PSD3: variants seen among roughly 807,000 people sequenced by gnomAD.
The protein encoded by PSD3 is PH and SEC7 domain-containing protein 3.
Under a neutral mutation model 105.5 loss-of-function variants are expected in PSD3, and 49 were observed. That is an observed-to-expected ratio of 0.46 (90% CI 0.37 to 0.59). The LOEUF (loss-of-function observed/expected upper bound fraction) is 0.59, where lower values mean the gene tolerates loss of function less well. Among genes scored for constraint, PSD3 ranks in the 20% least tolerant of loss-of-function variants. The probability of loss-of-function intolerance (pLI) is 0.00; values close to 1 mark genes in which losing one functional copy is unlikely to be tolerated. For missense variants in PSD3, 1,561 were observed against 1,263.8 expected (o/e 1.24, Z -3.57); for synonymous variants, 557 against 457.8 (o/e 1.22, Z -2.77).
chr8:18,626,000 T>C (rs939939121), intron 11 of PSD3, among the ~76,000 whole-genome samples: 1 of 152,022 alleles, frequency 6.6e-6, no homozygotes, highest in Non-Finnish European at 1.5e-5. Context: ...CTGAATTTTG[T>C]TTTTTATTGT....
chr8:18,568,250 A>G (rs1801915737), intron 14 of PSD3, among the ~76,000 whole-genome samples: 1 of 152,114 alleles, frequency 6.6e-6, no homozygotes, highest in Non-Finnish European at 1.5e-5. Context: ...GCCACTAAAT[A>G]TCACATTTTT....
intron 4 of PSD3, among the ~76,000 whole-genome samples, chr8:18,851,799 C>T (rs1041715691): frequency 6.6e-6 from 1 of 152,262 alleles, no homozygotes; most frequent in African/African-American, 2.4e-5. Context: ...AAGAGCTACA[C>T]AGATTCTGCC....
intron 10 of PSD3, among the ~76,000 whole-genome samples, chr8:18,634,398 A>G (rs1563403984): frequency 6.6e-6 from 1 of 152,176 alleles, no homozygotes; most frequent in Non-Finnish European, 1.5e-5. Flanking sequence ...CCCTATGCCC[A>G]GCTTCTCCTA....
intron 15 of PSD3, among the ~76,000 whole-genome samples, chr8:18,538,693 C>A (rs961196466): frequency 6.6e-6 from 1 of 152,174 alleles, no homozygotes; most frequent in Non-Finnish European, 1.5e-5. Flanking sequence ...ATGATAGGGA[C>A]AGTTTTCCAG....
intron 14 of PSD3, among the ~76,000 whole-genome samples, chr8:18,556,966 T>C (rs959243356): frequency 6.6e-6 from 1 of 152,210 alleles, no homozygotes; most frequent in African/African-American, 2.4e-5. Flanking sequence ...TCAATTAAAA[T>C]GTATCTACCT....
chr8:18,592,178 A>G (rs1803661355), intron 12 of PSD3, among the ~76,000 whole-genome samples: 3 of 152,222 alleles, frequency 2.0e-5, no homozygotes, highest in Non-Finnish European at 2.9e-5. Flanking sequence ...GAATATCAAC[A>G]AAGAGAAAAT....
At chr8:18,651,962 T>A (rs958800946) in intron 10 of PSD3, among the ~76,000 whole-genome samples, 2 of 152,114 alleles carry the variant, frequency 1.3e-5, no homozygotes, top group Non-Finnish European at 2.9e-5. Context: ...AAGGCCTTGT[T>A]GAGGAGGCAA....
rs535216490 is a variant in PSD3, at chr8:19,059,377, G to A, written c.324+24829C>T. Among the ~76,000 whole-genome samples the A allele has an allele frequency of 3.3e-5, 5 of 152,012 alleles. No individual in the cohort carries two copies. The South Asian group carries it at 1.0e-3, about 32-fold the overall frequency. ...CTTCTGCGGATGATGGAACTCAAAG[G>A]AAAAAAAGGAGAGCTCATGAGAAGC... On this transcript the variant is annotated intron_variant, in intron 1 of 1. Transcript: ENST00000521475.
chr8:18,775,821 G>A (rs935064954), intron 8 of PSD3, among the ~76,000 whole-genome samples: 3 of 152,120 alleles, frequency 2.0e-5, no homozygotes, highest in Admixed American at 6.6e-5. Context: ...GGGCAGAAGG[G>A]TTTTAGCTTG....
chr8:18,693,741 C>A (rs1801106250), intron 9 of PSD3, among the ~76,000 whole-genome samples: 1 of 152,220 alleles, frequency 6.6e-6, no homozygotes, highest in South Asian at 2.1e-4. Flanking sequence ...CACTCAGCCT[C>A]CTTGGTTCAA....
rs570710969 is a variant in PSD3, at chr8:18,657,471, C to T, written c.2173-1786G>A. 2.0e-5 allele frequency among the ~76,000 whole-genome samples: 3 copies of T among 152,212 alleles called. No homozygotes were observed. The East Asian group carries it at 5.8e-4, about 29-fold the overall frequency. ...AAACCAGGTCACATTTTATATTTTT[C>T]AGGACATGATAGGTATTCTCAAACA... is the stretch of plus-strand genomic sequence containing the variant. On this transcript the variant is annotated intron_variant, in intron 9 of 15. Coordinates refer to ENST00000327040, the MANE Select transcript of PSD3 (RefSeq NM_015310.4).
chr8:18,744,774 C>T (rs1415962129), intron 9 of PSD3, among the ~76,000 whole-genome samples: 1 of 152,186 alleles, frequency 6.6e-6, no homozygotes, highest in Non-Finnish European at 1.5e-5. Context: ...ATTCAAATTT[C>T]ACCAGTTTCC....
At chr8:18,934,736 A>G (rs1021612993) in intron 2 of PSD3, among the ~76,000 whole-genome samples, 4 of 152,214 alleles carry the variant, frequency 2.6e-5, no homozygotes, top group Non-Finnish European at 5.9e-5. Flanking sequence ...AAGGTCACAC[A>G]GTTTATAAGT....
At chr8:18,773,985 A>G (rs917132179) in intron 8 of PSD3, among the ~76,000 whole-genome samples, 1 of 152,162 alleles carries the variant, frequency 6.6e-6, no homozygotes, top group Non-Finnish European at 1.5e-5. Flanking sequence ...TGATTTTTTG[A>G]TGCTACTGTA....
intron 10 of PSD3, among the ~76,000 whole-genome samples, chr8:18,653,905 C>T (rs1010235161): frequency 6.6e-6 from 1 of 152,088 alleles, no homozygotes; most frequent in Non-Finnish European, 1.5e-5. Context: ...TTTATTTTCT[C>T]TAGACTACAT....
intron 9 of PSD3, among the ~76,000 whole-genome samples, chr8:18,737,365 A>G (rs1189389856): frequency 2.0e-5 from 3 of 152,136 alleles, no homozygotes; most frequent in Non-Finnish European, 4.4e-5. Context: ...CTTACTCTGT[A>G]GCCCAGGATG....
At chr8:18,966,261 T>C (rs930724260) in intron 1 of PSD3, among the ~76,000 whole-genome samples, 9 of 152,140 alleles carry the variant, frequency 5.9e-5, no homozygotes, top group African/African-American at 2.2e-4. Context: ...ACACCTATAC[T>C]AGGCTGTCAA....
chr8:18,795,098 T>G (rs1164084655), intron 8 of PSD3, among the ~76,000 whole-genome samples: 3 of 152,210 alleles, frequency 2.0e-5, no homozygotes, highest in African/African-American at 7.2e-5. Flanking sequence ...CCACATTTTT[T>G]TAACACTGTT....
intron 15 of PSD3, among the ~76,000 whole-genome samples, chr8:18,544,568 G>T (rs533360224): frequency 3.5e-4 from 54 of 152,172 alleles, no homozygotes; most frequent in Admixed American, 2.6e-3. Context: ...TCCAAAGAAA[G>T]TGTGAATTCC....
Sources: allele counts gnomAD v4.1 joint callset (sites outside exome capture counted in the v4.1 genomes callset), GRCh38; gene constraint gnomAD v4.1.1; transcripts MANE v1.5; gene names NCBI Gene and HGNC (gene_info 2026-07-23, HGNC 2026-07-21).